Variants in ABCG1 observed in about 807,000 individuals in gnomAD.
The protein encoded by ABCG1 is ATP-binding cassette sub-family G member 1.
In ABCG1, 29 loss-of-function variants were observed where a neutral mutation model predicts 69.2. The observed-to-expected ratio is 0.42, with a 90% confidence interval of 0.31 to 0.57. The LOEUF (loss-of-function observed/expected upper bound fraction) is 0.57. Ranked by LOEUF, ABCG1 falls within the 20% of genes least tolerant of loss-of-function variation. ABCG1 has a pLI of 0.15. For synonymous variants in ABCG1, 370 were observed against 374.8 expected, an observed-to-expected ratio of 0.99 and a Z score of 0.15; for missense variants, 718 against 898.1, an observed-to-expected ratio of 0.80 and a Z score of 2.56.
intron 2 of ABCG1, chr21:42,259,857 G>A (rs2068374881): frequency 1.4e-6 from 2 of 1,417,638 alleles, no homozygotes; most frequent in Non-Finnish European, 1.9e-6. Context: ...GAGCAGGGGA[G>A]AGAGAGGCCA....
chr21:42,261,662 C>A (rs2068416524), intron 2 of ABCG1, among the ~76,000 whole-genome samples: 2 of 152,184 alleles, frequency 1.3e-5, no homozygotes, highest in Admixed American at 6.5e-5. Flanking sequence ...CCTGGCCCGG[C>A]CCCCTCGGGA....
chr21:42,276,640 G>A lies in ABCG1; in HGVS notation c.538-255G>A. On this transcript the variant is annotated intron_variant, in intron 4 of 14. Transcript: ENST00000398449. The surrounding 1 kb of genome is among the most constrained non-coding windows in gnomAD (Gnocchi z 5.3). ...ACCGTGGCTAGCTGCATGGTGGCTAGTTGCACCGTGGCTAGTGGCCTTATG... is the reference window on the plus strand; with the variant it reads ...ACCGTGGCTAGCTGCATGGTGGCTAATTGCACCGTGGCTAGTGGCCTTATG... The A allele has an allele frequency of 2.2e-6, 1 of 462,122 alleles. No individual in the cohort carries two copies. Among genetic ancestry groups the A allele is most frequent in the Non-Finnish European group, 3.9e-6 (1 of 258,054 alleles). The allele number at this position is 462,122 out of a possible 1,614,324, so 28.6% of individuals were successfully genotyped here.
intron 2 of ABCG1, among the ~76,000 whole-genome samples, chr21:42,202,958 C>G (rs1348683511): frequency 1.3e-5 from 2 of 152,084 alleles, no homozygotes; most frequent in African/African-American, 4.8e-5. Context: ...TTGCTATTGG[C>G]AAAAGGACAG....
At chr21:42,284,923 C>A (rs930796221) in intron 7 of ABCG1, among the ~76,000 whole-genome samples, 3 of 152,196 alleles carry the variant, frequency 2.0e-5, no homozygotes, top group Admixed American at 1.3e-4. Context: ...CCCTGGGTAC[C>A]CATGGCCTTC....
intron 6 of ABCG1, 80 bp from the exon 7 acceptor site, chr21:42,284,480 A>C: frequency 6.5e-7 from 1 of 1,543,530 alleles, no homozygotes. Flanking sequence ...TGGGACAGGA[A>C]CTCCCTGGAC....
In ABCG1 at chr21:42,219,365, A is replaced by G; in HGVS notation, c.42+61A>G. On this transcript the variant is annotated intron_variant, in intron 1 of 14. Transcript: ENST00000398449. The surrounding 1 kb of genome is among the most constrained non-coding windows in gnomAD (Gnocchi z 5.3). ...TTTATTTTCAAGGAGAGCAGGAAAC[A>G]CACAAAGACTCGCAAGCTCGACCTG... 2 of 1,562,290 alleles carry G rather than the reference A, an allele frequency of 1.3e-6. No individual in the cohort carries two copies. The highest frequency in any genetic ancestry group is 2.5e-5 in the East Asian group (1 of 39,934).
At chr21:42,259,484 C>T in intron 2 of ABCG1, 1 of 1,548,002 alleles carries the variant, frequency 6.5e-7, no homozygotes, top group South Asian at 1.2e-5. Context: ...TCATCATGCC[C>T]CCATCCAACC....
intron 3 of ABCG1, among the ~76,000 whole-genome samples, chr21:42,272,599 C>T (rs1250512811): frequency 6.6e-6 from 1 of 152,192 alleles, no homozygotes; most frequent in Non-Finnish European, 1.5e-5. Flanking sequence ...TGTAGACTGC[C>T]TGTGGCATGC....
intron 6 of ABCG1, 120 bp from the exon 7 acceptor site, chr21:42,284,434 GGCAGCT>G (rs945465467): frequency 2.5e-6 from 3 of 1,195,304 alleles, no homozygotes; most frequent in Non-Finnish European, 3.5e-6. Flanking sequence ...CCTGGGACGG[GGCAGCT>G]GCAGCTGCAG....
chr21:42,275,759 C>T (rs2068698358), intron 4 of ABCG1, among the ~76,000 whole-genome samples: 2 of 152,230 alleles, frequency 1.3e-5, no homozygotes, highest in South Asian at 2.1e-4. Context: ...TCATGAGGCC[C>T]TGGAGAAATA....
At chr21:42,229,082 C>T (rs549111341) in intron 2 of ABCG1, among the ~76,000 whole-genome samples, 10 of 152,316 alleles carry the variant, frequency 6.6e-5, no homozygotes, top group Admixed American at 6.5e-4. Context: ...CCTGCTCCTG[C>T]TTTTGTCCCT....
intron 2 of ABCG1, among the ~76,000 whole-genome samples, chr21:42,255,879 G>T (rs1419836604): frequency 6.6e-6 from 1 of 152,254 alleles, no homozygotes; most frequent in Non-Finnish European, 1.5e-5. Flanking sequence ...TAACTGGTGA[G>T]TTCTGCAGAG....
chr21:42,281,212 A>T (rs1365795940), intron 5 of ABCG1, among the ~76,000 whole-genome samples: 1 of 152,162 alleles, frequency 6.6e-6, no homozygotes, highest in Admixed American at 6.5e-5. Flanking sequence ...TCATCTCCCT[A>T]GAGGAGCCGC....
chr21:42,217,081 A>G (rs2067649091), upstream of ABCG1, among the ~76,000 whole-genome samples: 1 of 152,184 alleles, frequency 6.6e-6, no homozygotes, highest in South Asian at 2.1e-4. Context: ...CATTCCCAGC[A>G]GCCCAGTAAG....
intron 5 of ABCG1, among the ~76,000 whole-genome samples, chr21:42,279,107 A>G (rs2068760224): frequency 6.6e-6 from 1 of 151,838 alleles, no homozygotes; most frequent in African/African-American, 2.4e-5. Flanking sequence ...GCACAATCCA[A>G]TCTCTTTGTC....
At chr21:42,235,523 T>C (rs535567116) in intron 2 of ABCG1, among the ~76,000 whole-genome samples, 1 of 152,282 alleles carries the variant, frequency 6.6e-6, no homozygotes, top group East Asian at 1.9e-4. Flanking sequence ...TTCATACTTT[T>C]AGGGAGACGT....
chr21:42,259,610 C>G, intron 2 of ABCG1: 1 of 1,442,824 alleles, frequency 6.9e-7, no homozygotes, highest in East Asian at 2.5e-5. Flanking sequence ...TACCTTGTTT[C>G]CTAACTGTCA....
chr21:42,209,588 C>T (rs1569200522), intron 2 of ABCG1, among the ~76,000 whole-genome samples: 1 of 152,150 alleles, frequency 6.6e-6, no homozygotes, highest in Non-Finnish European at 1.5e-5. Flanking sequence ...CATAGAGTGG[C>T]TTTGGGCCTC....
chr21:42,214,022 T>C (rs1265753530), upstream of ABCG1, among the ~76,000 whole-genome samples: 2 of 152,188 alleles, frequency 1.3e-5, no homozygotes, highest in East Asian at 1.9e-4. Context: ...TTGGGCCCTA[T>C]TGAGATGGAA....
Sources: gnomAD v4.1 joint callset for allele counts (sites outside exome capture counted in the v4.1 genomes callset) on GRCh38, gnomAD v4.1.1 for gene constraint, Gnocchi (gnomAD v3.1) non-coding constraint, MANE v1.5 for transcripts, NCBI Gene and HGNC (gene_info 2026-07-23, HGNC 2026-07-21) for gene names.